Variants in CSMD1 observed in about 807,000 individuals in gnomAD.
CSMD1 encodes CUB and Sushi multiple domains 1, also known as CUB and sushi domain-containing protein 1.
A neutral mutation model predicts 417.5 loss-of-function variants in CSMD1; 213 were observed. That is an observed-to-expected ratio of 0.51 (90% CI 0.46 to 0.57). The LOEUF is 0.57. Among genes scored for constraint, CSMD1 ranks in the 20% least tolerant of loss-of-function variants. CSMD1 has a pLI of 0.00. For missense variants in CSMD1, 6,923 were observed against 4,529.7 expected, an observed-to-expected ratio of 1.53 and a Z score of -15.17; for synonymous variants, 2,862 against 1,736.8, an observed-to-expected ratio of 1.65 and a Z score of -16.11.
chr8:4,299,209 G>A (rs1286373059), intron 3 of CSMD1, among the ~76,000 whole-genome samples: 1 of 152,104 alleles, frequency 6.6e-6, no homozygotes, highest in African/African-American at 2.4e-5. Context: ...ACTTTTGCCA[G>A]GTAATGTAAG....
At chr8:3,377,539 G>A (rs1365637945) in intron 18 of CSMD1, among the ~76,000 whole-genome samples, 6 of 152,132 alleles carry the variant, frequency 3.9e-5, no homozygotes, top group Admixed American at 6.5e-5. Context: ...TTCCTGTACT[G>A]CAAAACCTAT....
chr8:4,524,676 T>C (rs915979285), intron 2 of CSMD1, among the ~76,000 whole-genome samples: 1 of 151,980 alleles, frequency 6.6e-6, no homozygotes, highest in African/African-American at 2.4e-5. Context: ...TTTATCTCCT[T>C]AGACAATAAA....
chr8:3,215,194 TAAC>T (rs1177461568), intron 29 of CSMD1, among the ~76,000 whole-genome samples: 10 of 152,232 alleles, frequency 6.6e-5, no homozygotes, highest in Non-Finnish European at 1.0e-4. Flanking sequence ...CTTATACGAA[TAAC>T]AACAGACAGA....
In CSMD1 at chr8:4,464,513, T is replaced by C. The variant is rs74941357; in HGVS notation, c.303-44448A>G. ...ATTTTATAATAACACATTGAGTATC[T>C]CGTGTCATTTATTCAATATTGAACT... On this transcript the variant is annotated intron_variant, in intron 2 of 69. Transcript: ENST00000635120. Among the ~76,000 whole-genome samples, 760 of 152,278 alleles carry C rather than the reference T, an allele frequency of 5.0e-3. 11 individuals carry two copies. Among genetic ancestry groups the C allele is most frequent in the South Asian group, 0.032 (153 of 4,826 alleles).
chr8:3,752,179 T>C (rs1431174826), intron 6 of CSMD1, among the ~76,000 whole-genome samples: 1 of 151,898 alleles, frequency 6.6e-6, no homozygotes. Flanking sequence ...TAACGGCAGA[T>C]ATGGGGAGGT....
intron 3 of CSMD1, among the ~76,000 whole-genome samples, chr8:4,340,894 C>T (rs911723923): frequency 6.4e-4 from 98 of 152,038 alleles, no homozygotes; most frequent in African/African-American, 2.2e-3. Flanking sequence ...ATATTACCTA[C>T]AATTTAAAGT....
chr8:3,567,048 G>A (rs1447562843), intron 10 of CSMD1, among the ~76,000 whole-genome samples: 2 of 152,214 alleles, frequency 1.3e-5, no homozygotes, highest in Admixed American at 6.5e-5. Flanking sequence ...ATGGTAGACT[G>A]GATAAAGAAA....
chr8:3,776,574 C>G (rs184389963), intron 5 of CSMD1, among the ~76,000 whole-genome samples: 1 of 152,278 alleles, frequency 6.6e-6, no homozygotes, highest in East Asian at 1.9e-4. Context: ...AGGTGACTCA[C>G]CTTCTTCCTA....
At chr8:4,211,179 A>G (rs974432133) in intron 3 of CSMD1, among the ~76,000 whole-genome samples, 4 of 151,096 alleles carry the variant, frequency 2.6e-5, no homozygotes, top group Non-Finnish European at 4.4e-5. Context: ...ATCCTTGTAC[A>G]TGTATTTCAG....
chr8:3,604,630 G>A (rs941275762), intron 8 of CSMD1, among the ~76,000 whole-genome samples: 1 of 152,064 alleles, frequency 6.6e-6, no homozygotes, highest in Non-Finnish European at 1.5e-5. Context: ...GCAAGAAAAG[G>A]AATCAAAGGA....
intron 5 of CSMD1, among the ~76,000 whole-genome samples, chr8:3,842,871 G>T (rs992731650): frequency 3.3e-5 from 5 of 152,098 alleles, no homozygotes; most frequent in African/African-American, 1.2e-4. Flanking sequence ...AATATCATTT[G>T]TTTCACAAAC....
At chr8:3,404,378 T>C (rs907810088) in intron 15 of CSMD1, among the ~76,000 whole-genome samples, 1 of 149,910 alleles carries the variant, frequency 6.7e-6, no homozygotes, top group Non-Finnish European at 1.5e-5. Context: ...CTTTGAGTAA[T>C]GGTGAGTAAC....
chr8:4,627,318 C>T (rs373288430), intron 2 of CSMD1, among the ~76,000 whole-genome samples: 1 of 152,052 alleles, frequency 6.6e-6, no homozygotes, highest in Non-Finnish European at 1.5e-5. Context: ...CTTGATCATC[C>T]ACATAAAGCT....
chr8:4,460,974 G>C (rs977040217), intron 2 of CSMD1, among the ~76,000 whole-genome samples: 1 of 152,074 alleles, frequency 6.6e-6, no homozygotes, highest in African/African-American at 2.4e-5. Flanking sequence ...AGAAACTACA[G>C]ACTAGTATTT....
chr8:4,325,229 G>A (rs543504581), intron 3 of CSMD1, among the ~76,000 whole-genome samples: 15 of 152,278 alleles, frequency 9.9e-5, no homozygotes, highest in Non-Finnish European at 1.8e-4. Context: ...GGATTCCCCT[G>A]AACCAGGAAT....
chr8:4,348,601 G>C (rs912075982), intron 3 of CSMD1, among the ~76,000 whole-genome samples: 1 of 146,816 alleles, frequency 6.8e-6, no homozygotes, highest in African/African-American at 2.6e-5. Flanking sequence ...GTGTGTGCGT[G>C]GGTGTGTTGG....
At chr8:4,456,887 C>G (rs1373606113) in intron 2 of CSMD1, among the ~76,000 whole-genome samples, 2 of 151,696 alleles carry the variant, frequency 1.3e-5, no homozygotes, top group Non-Finnish European at 1.5e-5. Context: ...AGGGAGAACA[C>G]ACCCGTATTT....
chr8:4,816,952 G>A (rs547147025), intron 1 of CSMD1, among the ~76,000 whole-genome samples: 10 of 152,232 alleles, frequency 6.6e-5, no homozygotes, highest in African/African-American at 2.2e-4. Context: ...TGCATTGAAG[G>A]ACAGCTACCA....
chr8:3,886,141 C>T (rs973169882), intron 5 of CSMD1, among the ~76,000 whole-genome samples: 10 of 152,120 alleles, frequency 6.6e-5, no homozygotes, highest in African/African-American at 2.4e-4. Flanking sequence ...ACCTCTGTCT[C>T]TCTGTTTCAA....
Sources: allele counts gnomAD v4.1 joint callset (sites outside exome capture counted in the v4.1 genomes callset), GRCh38; gene constraint gnomAD v4.1.1; transcripts MANE v1.5; gene names NCBI Gene and HGNC (gene_info 2026-07-23, HGNC 2026-07-21).